Variants in FBXL20 observed in about 807,000 individuals in gnomAD.
The protein encoded by FBXL20 is F-box and leucine rich repeat protein 20.
FBXL20 carries 11 observed loss-of-function variants against 64.0 expected under a neutral mutation model. That is an observed-to-expected ratio of 0.17 (90% CI 0.11 to 0.28). FBXL20 has a LOEUF of 0.28. FBXL20 is among the 10% of genes least tolerant of loss of function. FBXL20 has a pLI of 1.00. For synonymous variants in FBXL20, 184 were observed against 189.0 expected (o/e 0.97, Z 0.22); for missense variants, 303 against 526.2 (o/e 0.58, Z 4.15).
intron 1 of FBXL20, among the ~76,000 whole-genome samples, chr17:39,359,237 G>C (rs2047771217): frequency 6.6e-6 from 1 of 152,128 alleles, no homozygotes; most frequent in African/African-American, 2.4e-5. Context: ...TTGGGAAACT[G>C]AGGCAGGAAA....
intron 1 of FBXL20, among the ~76,000 whole-genome samples, chr17:39,356,188 C>G (rs554274771): frequency 3.7e-4 from 52 of 140,386 alleles, no homozygotes; most frequent in Admixed American, 1.5e-3. Context: ...GCACTCCAGC[C>G]TAGGCGACAG....
At chr17:39,295,707 C>T (rs1029176692) in intron 6 of FBXL20, among the ~76,000 whole-genome samples, 1 of 151,076 alleles carries the variant, frequency 6.6e-6, no homozygotes, top group African/African-American at 2.4e-5. Context: ...TTCTCACTTC[C>T]CCATATAAGT....
chr17:39,331,378 G>C (rs2047459753), intron 2 of FBXL20, among the ~76,000 whole-genome samples: 1 of 152,206 alleles, frequency 6.6e-6, no homozygotes, highest in African/African-American at 2.4e-5. Context: ...TGGGATTACA[G>C]GTGGGAGGTA....
chr17:39,351,121 G>A lies in FBXL20; in HGVS notation c.43-7880C>T, dbSNP rs1431311652. The stretch of plus-strand genomic sequence containing the variant: ...AGGCTGAGGTGGGCGGATCACATGA[G>A]GTCAGGAGTTCGAGATCAGCCTGGC... On this transcript the variant is annotated intron_variant, in intron 1 of 14. Transcript: ENST00000264658. 3.3e-5 allele frequency among the ~76,000 whole-genome samples: 5 copies of A among 152,110 alleles called. No homozygotes were observed. The East Asian group carries it at 9.6e-4, about 29-fold the overall frequency.
intron 6 of FBXL20, among the ~76,000 whole-genome samples, chr17:39,286,018 A>C (rs1440761673): frequency 1.3e-5 from 2 of 152,188 alleles, no homozygotes; most frequent in African/African-American, 4.8e-5. Flanking sequence ...CTAATGTAGG[A>C]ACTGGATTTT....
chr17:39,278,572 GA>G (rs1257816321), intron 9 of FBXL20, among the ~76,000 whole-genome samples: 1 of 143,266 alleles, frequency 7.0e-6, no homozygotes, highest in Non-Finnish European at 1.5e-5. Context: ...TTTTGAGATG[GA>G]GTCTGGCTGT....
intron 14 of FBXL20, among the ~76,000 whole-genome samples, chr17:39,262,583 G>A (rs764335876): frequency 7.9e-5 from 12 of 152,016 alleles, no homozygotes; most frequent in Non-Finnish European, 1.6e-4. Context: ...GACTGGCCTA[G>A]AGGTTGGTAT....
chr17:39,272,093 T>A (rs1006767747), intron 10 of FBXL20, among the ~76,000 whole-genome samples: 1 of 151,728 alleles, frequency 6.6e-6, no homozygotes, highest in Non-Finnish European at 1.5e-5. Flanking sequence ...TATAAAAAAA[T>A]TTTTAAATTC....
At chr17:39,343,836 C>T (rs1234648694) in intron 1 of FBXL20, among the ~76,000 whole-genome samples, 2 of 151,922 alleles carry the variant, frequency 1.3e-5, no homozygotes, top group Non-Finnish European at 2.9e-5. Context: ...GCTGAGGTTA[C>T]AGGTGCATGC....
intron 2 of FBXL20, among the ~76,000 whole-genome samples, chr17:39,309,944 C>G (rs2047217333): frequency 6.6e-6 from 1 of 151,596 alleles, no homozygotes. Context: ...AGACTGAGCC[C>G]ATGAGTTCAA....
chr17:39,282,942 G>A, intron 7 of FBXL20, 87 bp from the exon 8 acceptor site: 2 of 1,492,422 alleles, frequency 1.3e-6, no homozygotes, highest in South Asian at 1.2e-5. Flanking sequence ...ATTTAGTAAA[G>A]GAATGGAAAC....
In FBXL20 at chr17:39,349,478, C is replaced by A. The variant is rs974523175; in HGVS notation, c.43-6237G>T. 8.6e-5 allele frequency among the ~76,000 whole-genome samples: 13 copies of A among 151,824 alleles called. No individual in the cohort carries two copies. In the East Asian group the frequency reaches 2.3e-3, roughly 27 times the overall value. On this transcript the variant is annotated intron_variant, in intron 1 of 14. Transcript: ENST00000264658. ...TGACTCATGCCTATAATCCCGGCACCTTGGAAGGTTGAGGCAGGAGGATAG... is the reference window on the plus strand; with the variant it reads ...TGACTCATGCCTATAATCCCGGCACATTGGAAGGTTGAGGCAGGAGGATAG...
At chr17:39,300,030 G>A (rs1053358803) in intron 4 of FBXL20, among the ~76,000 whole-genome samples, 1 of 152,186 alleles carries the variant, frequency 6.6e-6, no homozygotes, top group Middle Eastern at 3.4e-3. Context: ...CCAGGAGGCA[G>A]AGGTTGCAGT....
intron 14 of FBXL20, among the ~76,000 whole-genome samples, chr17:39,263,346 C>G (rs2046764504): frequency 6.6e-6 from 1 of 152,126 alleles, no homozygotes; most frequent in Admixed American, 6.5e-5. Context: ...AAAATGCCGT[C>G]TCTACCAAAA....
intron 6 of FBXL20, among the ~76,000 whole-genome samples, chr17:39,291,642 C>T (rs1426379049): frequency 6.6e-6 from 1 of 151,766 alleles, no homozygotes; most frequent in Admixed American, 6.6e-5. Flanking sequence ...GTCATGTTGG[C>T]CAGGCTGTTC....
intron 7 of FBXL20, among the ~76,000 whole-genome samples, chr17:39,285,194 A>T (rs1420510830): frequency 6.6e-6 from 1 of 152,150 alleles, no homozygotes. Flanking sequence ...GTGAGTCTTC[A>T]TGCCTGGCCT....
chr17:39,309,770 T>TGA (rs2047215053), intron 2 of FBXL20, among the ~76,000 whole-genome samples: 1 of 133,388 alleles, frequency 7.5e-6, no homozygotes, highest in Non-Finnish European at 1.6e-5. Flanking sequence ...CCAGCCTAGG[T>TGA]GACAGAGTGA....
At chr17:39,377,283 G>A (rs1429393235) in intron 1 of FBXL20, among the ~76,000 whole-genome samples, 2 of 151,974 alleles carry the variant, frequency 1.3e-5, no homozygotes, top group Non-Finnish European at 2.9e-5. Context: ...CTCAGTGCAA[G>A]AGGACAGCTT....
At chr17:39,308,126 C>T (rs923014048) in intron 2 of FBXL20, among the ~76,000 whole-genome samples, 4 of 151,084 alleles carry the variant, frequency 2.6e-5, no homozygotes, top group African/African-American at 9.7e-5. Flanking sequence ...GGATCACTTG[C>T]GGCCAAAAGT....
Sources: gnomAD v4.1 joint callset for allele counts (sites outside exome capture counted in the v4.1 genomes callset) on GRCh38, gnomAD v4.1.1 for gene constraint, MANE v1.5 for transcripts, NCBI Gene and HGNC (gene_info 2026-07-23, HGNC 2026-07-21) for gene names.